Variants in ATP13A4 observed in about 807,000 individuals in gnomAD.
ATP13A4 encodes probable cation-transporting ATPase 13A4.
A neutral mutation model predicts 142.5 loss-of-function variants in ATP13A4; 114 were observed. The ratio of observed to expected loss-of-function variants is 0.80; its 90% confidence interval spans 0.69 to 0.93. The LOEUF (loss-of-function observed/expected upper bound fraction) is 0.93, where lower values mean the gene tolerates loss of function less well. Among genes scored for constraint, ATP13A4 ranks in the 40% least tolerant of loss-of-function variants. The pLI is 0.00. For missense variants in ATP13A4, 1,392 were observed against 1,454.0 expected, an observed-to-expected ratio of 0.96 and a Z score of 0.69; for synonymous variants, 488 against 514.8, an observed-to-expected ratio of 0.95 and a Z score of 0.70.
In ATP13A4 at chr3:193,402,520, T is replaced by C. The variant is rs1452306752; in HGVS notation, c.*132A>G. 9.1e-6 allele frequency: 6 copies of C among 660,634 alleles called. No homozygotes were observed. Among genetic ancestry groups the C allele is most frequent in the Non-Finnish European group, 1.6e-5 (6 of 366,908 alleles). The allele number at this position is 660,634 out of a possible 1,614,324, so 40.9% of individuals were successfully genotyped here. A position where few individuals can be genotyped will look rare whatever the true frequency, so the allele number is the denominator to read the frequency against. On this transcript the variant is annotated 3_prime_UTR_variant, in exon 30 of 30. Coordinates refer to ENST00000342695, the MANE Select transcript of ATP13A4 (RefSeq NM_032279.4). The stretch of plus-strand genomic sequence containing the variant: ...AGTATTTTATCAAACAGACTTTAGT[T>C]TGTCACCATGATTTGATAGGTAGCC...
chr3:193,401,696 C>T lies in ATP13A4; in HGVS notation c.*956G>A, dbSNP rs1714266231. Among the ~76,000 whole-genome samples the T allele has an allele frequency of 6.6e-6, 1 of 152,090 alleles. No individual in the cohort carries two copies. The highest frequency in any genetic ancestry group is 2.1e-4 in the South Asian group (1 of 4,828). On this transcript the variant is annotated 3_prime_UTR_variant, in exon 30 of 30. Transcript: ENST00000342695. ...AAATGAAAATATGGGGACCCCTGTT[C>T]AAAAATTAAGAATTTTAAGATGGAA...
Position 193,490,006 on chromosome 3 carries a change from G to T in ATP13A4, c.604-142C>A, listed in dbSNP as rs975899043. ...ATTATATTTATTCGGCAATTGACAC[G>T]TGCCAGACACCGCTCTAAGCAACTT... On this transcript the variant is annotated intron_variant, in intron 6 of 29. Transcript: ENST00000342695. The T allele has an allele frequency of 1.6e-4, 148 of 932,678 alleles. 1 individual carries two copies. The South Asian group carries it at 2.3e-3, about 15-fold the overall frequency. 57.8% of individuals were successfully genotyped at this position (932,678 alleles called of 1,614,324 possible). A position where few individuals can be genotyped will look rare whatever the true frequency, so the allele number is the denominator to read the frequency against.
rs976747728 is a variant in ATP13A4 at position 193,414,477 on chromosome 3, C to A, written c.3014+102G>T. On this transcript the variant is annotated intron_variant, in intron 26 of 29. Transcript: ENST00000342695. The stretch of plus-strand genomic sequence containing the variant: ...CCCAAGGGACTTTAAAAAGCCAAAA[C>A]CTTTGGCAGAATGAAGACCCATGTG... 27 of 1,418,394 alleles carry A rather than the reference C, an allele frequency of 1.9e-5. No individual in the cohort carries two copies. The Middle Eastern group carries it at 9.4e-4, about 50-fold the overall frequency. 87.9% of individuals were successfully genotyped at this position (1,418,394 alleles called of 1,614,324 possible).
At position 193,489,733 on chromosome 3, in the gene ATP13A4, T is replaced by C; in HGVS notation, c.735A>G (p.Arg245=). The C allele has an allele frequency of 6.2e-7, 1 of 1,608,486 alleles. No individual in the cohort carries two copies. The highest frequency in any genetic ancestry group is 8.5e-7 in the Non-Finnish European group (1 of 1,175,026). The change falls in exon 7 of 30, where the codon AGA becomes AGG. Residue 245 remains arginine, a synonymous_variant. Transcript: ENST00000342695. ...TAGAATTAATAGAAAAACTCACCTC[T>C]CTGAGATCATATACTGTCAAAGATA... ...ISISLTVYDL[R]EQSVKLHHLV... is the part of the protein sequence containing the mutation.
intron 17 of ATP13A4, among the ~76,000 whole-genome samples, chr3:193,452,840 C>T (rs1050951875): frequency 1.3e-5 from 2 of 150,134 alleles, no homozygotes; most frequent in East Asian, 3.9e-4. Flanking sequence ...TTAAAATTTT[C>T]CTAGTTTATA....
chr3:193,474,936 C>G (rs1718879104), intron 8 of ATP13A4, among the ~76,000 whole-genome samples: 1 of 151,932 alleles, frequency 6.6e-6, no homozygotes, highest in African/African-American at 2.4e-5. Flanking sequence ...GAGAGTGAGA[C>G]ATATGTATGA....
At chr3:193,447,219 G>C (rs1237309078) in intron 18 of ATP13A4, among the ~76,000 whole-genome samples, 1 of 152,094 alleles carries the variant, frequency 6.6e-6, no homozygotes, top group Non-Finnish European at 1.5e-5. Flanking sequence ...GAAACAGAAG[G>C]GTCACAGTGT....
At chr3:193,545,139 T>C (rs1271166930) in intron 1 of ATP13A4, among the ~76,000 whole-genome samples, 1 of 152,240 alleles carries the variant, frequency 6.6e-6, no homozygotes, top group African/African-American at 2.4e-5. Flanking sequence ...AATTCTTGGA[T>C]AGTTTTGTTT....
intron 8 of ATP13A4, among the ~76,000 whole-genome samples, chr3:193,477,566 T>A (rs1343311949): frequency 6.6e-6 from 1 of 151,946 alleles, no homozygotes; most frequent in Non-Finnish European, 1.5e-5. Context: ...CCATATAAAA[T>A]ATATGAAACA....
chr3:193,586,102 CACACACACACACACATAT>C (rs1290281770), intron 1 of ATP13A4, among the ~76,000 whole-genome samples: 14 of 150,086 alleles, frequency 9.3e-5, no homozygotes, highest in African/African-American at 2.9e-4. Flanking sequence ...CACACACACA[CACACACACACACACATAT>C]ACACACACAC....
At chr3:193,438,678 T>A in intron 22 of ATP13A4, 94 bp from the exon 23 acceptor site, 1 of 1,080,504 alleles carries the variant, frequency 9.3e-7, no homozygotes, top group Non-Finnish European at 1.4e-6. Context: ...GGCCACAAGG[T>A]GGTTTGTGTG....
intron 3 of ATP13A4, among the ~76,000 whole-genome samples, chr3:193,500,490 G>C (rs749424729): frequency 1.3e-5 from 2 of 152,096 alleles, no homozygotes; most frequent in Non-Finnish European, 2.9e-5. Flanking sequence ...CACGAATCTT[G>C]GGGATGCGGT....
intron 21 of ATP13A4, chr3:193,440,350 C>A: frequency 1.1e-6 from 1 of 918,088 alleles, no homozygotes; most frequent in African/African-American, 1.7e-5. Context: ...ATTTTTTAAG[C>A]CCCATATAAA....
intron 1 of ATP13A4, among the ~76,000 whole-genome samples, chr3:193,540,045 A>G (rs1162179854): frequency 6.6e-6 from 1 of 152,140 alleles, no homozygotes; most frequent in East Asian, 1.9e-4. Flanking sequence ...TTATTAAAGA[A>G]CGAGTACTAC....
intron 25 of ATP13A4, among the ~76,000 whole-genome samples, chr3:193,424,979 CA>C (rs71179305): frequency 6.2e-5 from 9 of 144,416 alleles, no homozygotes; most frequent in Non-Finnish European, 9.1e-5. Context: ...ATCAGGAACT[CA>C]AAAAAAAACT....
chr3:193,514,674 C>A (rs548725140), intron 2 of ATP13A4, 24 bp downstream of exon 2: 3 of 1,594,022 alleles, frequency 1.9e-6, no homozygotes, highest in East Asian at 2.6e-5. Context: ...GGGGCACCAG[C>A]GACATAACCA....
chr3:193,423,335 A>G (rs1404567537), intron 25 of ATP13A4, among the ~76,000 whole-genome samples: 1 of 149,744 alleles, frequency 6.7e-6, no homozygotes, highest in Non-Finnish European at 1.5e-5. Flanking sequence ...AACATTGTAA[A>G]GGAGCAAATA....
At chr3:193,554,934 G>A (rs1193062226), upstream of ATP13A4, 1 of 1,599,060 alleles carries the variant, frequency 6.3e-7, no homozygotes, top group African/African-American at 1.3e-5. Context: ...ACTCCTCCTT[G>A]AGCACACACC....
chr3:193,571,065 G>A (rs954961924), intron 2 of ATP13A4, among the ~76,000 whole-genome samples: 1 of 152,060 alleles, frequency 6.6e-6, no homozygotes, highest in Non-Finnish European at 1.5e-5. Context: ...GTCAACTGAG[G>A]TCAGGAGTTC....
Sources: allele counts gnomAD v4.1 joint callset (sites outside exome capture counted in the v4.1 genomes callset), GRCh38; gene constraint gnomAD v4.1.1; transcripts MANE v1.5; gene names NCBI Gene and HGNC (gene_info 2026-07-23, HGNC 2026-07-21).